Variants in MED12L observed in about 807,000 individuals in gnomAD.
The protein encoded by MED12L is mediator complex subunit 12L, also known as mediator of RNA polymerase II transcription subunit 12-like protein.
Under a neutral mutation model 281.3 loss-of-function variants are expected in MED12L, and 60 were observed. The observed-to-expected ratio is 0.21, with a 90% CI of 0.17 to 0.26. MED12L has a LOEUF of 0.26. MED12L is among the 10% of genes least tolerant of loss of function. The pLI is 1.00. For synonymous variants in MED12L, 974 were observed against 987.2 expected (o/e 0.99, Z 0.25); for missense variants, 2,146 against 2,680.9 (o/e 0.80, Z 4.41).
rs1461536868 is a variant in MED12L, at chr3:151,436,454, T to TTTG, written c.*3654_*3656dup. On this transcript the variant is annotated 3_prime_UTR_variant, in exon 45 of 45. Coordinates refer to ENST00000687756, the MANE Select transcript of MED12L (RefSeq NM_001393769.1). Reference sequence around the variant, plus strand: ...CCGTTTCAATGTTTGTTTATTGTTATTTGTTGGCAAAATAAAAGTGCCTTA... The same window carrying TTTG: ...CCGTTTCAATGTTTGTTTATTGTTATTTGTTGTTGGCAAAATAAAAGTGCCTTA... 5.1e-6 allele frequency: 2 copies of TTTG among 388,668 alleles called. No individual in the cohort carries two copies. Among genetic ancestry groups the TTTG allele is most frequent in the East Asian group, 9.2e-5 (2 of 21,776 alleles). 24.1% of individuals were successfully genotyped at this position (388,668 alleles called of 1,614,324 possible). A position where few individuals can be genotyped will look rare whatever the true frequency, so the allele number is the denominator to read the frequency against.
Position 151,411,510 on chromosome 3 carries a change from G to A in MED12L, c.6140+3G>A, listed in dbSNP as rs1192453304. The A allele has an allele frequency of 6.2e-7, 1 of 1,612,946 alleles. No homozygotes were observed. On this transcript the variant is annotated splice_donor_region_variant and intron_variant, in intron 41 of 44. Coordinates refer to ENST00000687756, the MANE Select transcript of MED12L (RefSeq NM_001393769.1). Reference sequence around the variant, plus strand: ...CAGCCCCTGACTGGCTCTCAGAGGTGATACATGTGGAAATGATGATGGCAA... The same window carrying A: ...CAGCCCCTGACTGGCTCTCAGAGGTAATACATGTGGAAATGATGATGGCAA...
At chr3:151,181,667 C>T (rs753496736) in intron 11 of MED12L, among the ~76,000 whole-genome samples, 3 of 150,664 alleles carry the variant, frequency 2.0e-5, no homozygotes, top group Non-Finnish European at 4.4e-5. Context: ...CTCACTGCAG[C>T]CTCGGCTTCC....
Position 151,436,302 on chromosome 3 carries a change from A to G in MED12L, c.*3498A>G, listed in dbSNP as rs1198081769. The G allele has an allele frequency of 1.9e-5, 3 of 160,322 alleles. No individual in the cohort carries two copies. Among genetic ancestry groups the G allele is most frequent in the Non-Finnish European group, 2.7e-5 (2 of 72,822 alleles). 9.9% of individuals were successfully genotyped at this position (160,322 alleles called of 1,614,324 possible). A position where few individuals can be genotyped will look rare whatever the true frequency, so the allele number is the denominator to read the frequency against. ...AAAGATTGCAGATTTAATATTTTCC[A>G]TTGTCTCTGTTCTGAGTGCCATGCT... On this transcript the variant is annotated 3_prime_UTR_variant, in exon 45 of 45. Transcript: ENST00000687756.
At chr3:151,284,738 G>C (rs2149635382) in intron 16 of MED12L, among the ~76,000 whole-genome samples, 1 of 152,212 alleles carries the variant, frequency 6.6e-6, no homozygotes, top group East Asian at 1.9e-4. Flanking sequence ...CCTCCCAAGT[G>C]GTTGGGATTA....
chr3:151,206,144 T>C (rs1011066271), intron 16 of MED12L, among the ~76,000 whole-genome samples: 2 of 151,066 alleles, frequency 1.3e-5, no homozygotes, highest in Non-Finnish European at 1.5e-5. Context: ...TTTTCTGTGC[T>C]CTGAGATTGG....
intron 2 of MED12L, among the ~76,000 whole-genome samples, chr3:151,109,955 G>A (rs1402792204): frequency 6.6e-6 from 1 of 152,102 alleles, no homozygotes; most frequent in Non-Finnish European, 1.5e-5. Context: ...GATCTTAGTT[G>A]CCTCACCTTT....
At chr3:151,299,356 C>CTTTCTTTTTTCTTTTCTTTTCT (rs1553772494) in intron 16 of MED12L, among the ~76,000 whole-genome samples, 2 of 94,352 alleles carry the variant, frequency 2.1e-5, no homozygotes, top group Admixed American at 2.6e-4. Flanking sequence ...TTCCTTCCTT[C>CTTTCTTTTTTCTTTTCTTTTCT]TTTCTTTTCT....
chr3:151,381,362 TC>T (rs534503329), intron 32 of MED12L, among the ~76,000 whole-genome samples: 1 of 152,170 alleles, frequency 6.6e-6, no homozygotes, highest in Non-Finnish European at 1.5e-5. Context: ...ACATATTACC[TC>T]AGTATACCTA....
chr3:151,296,955 T>C (rs1234455518), intron 16 of MED12L, among the ~76,000 whole-genome samples: 1 of 152,172 alleles, frequency 6.6e-6, no homozygotes, highest in African/African-American at 2.4e-5. Context: ...CAGGAAAGTT[T>C]TGATGATTAA....
intron 20 of MED12L, among the ~76,000 whole-genome samples, chr3:151,359,485 T>C (rs1212544488): frequency 6.6e-6 from 1 of 152,120 alleles, no homozygotes; most frequent in African/African-American, 2.4e-5. Context: ...GTGATTCCAT[T>C]GTCCTCCTTG....
chr3:151,173,230 A>G (rs888412497), intron 11 of MED12L, among the ~76,000 whole-genome samples: 3 of 152,092 alleles, frequency 2.0e-5, no homozygotes, highest in Non-Finnish European at 4.4e-5. Context: ...CTTTTTTGAC[A>G]AGGCAACCAA....
At chr3:151,261,685 GTGTTTTGTTTTGTTTTGTTTTGTTT>G (rs10627724) in intron 16 of MED12L, among the ~76,000 whole-genome samples, 1 of 148,640 alleles carries the variant, frequency 6.7e-6, no homozygotes. Context: ...GTGGTACGTG[GTGTTTTGTTTTGTTTTGTTTTGTTT>G]TGTTTTGTTT....
At chr3:151,392,493 AAAAT>A (rs150113861) in intron 38 of MED12L, among the ~76,000 whole-genome samples, 9,905 of 148,384 alleles carry the variant, frequency 0.067, 436 homozygotes, top group Middle Eastern at 0.16. Flanking sequence ...AAAAAAAGTA[AAAAT>A]AAATAAATAA....
At chr3:151,362,852 ATCTT>A (rs1397592678) in intron 21 of MED12L, among the ~76,000 whole-genome samples, 1 of 152,186 alleles carries the variant, frequency 6.6e-6, no homozygotes, top group African/African-American at 2.4e-5. Flanking sequence ...CTTAGGAAAT[ATCTT>A]TCCACAGAAA....
intron 16 of MED12L, among the ~76,000 whole-genome samples, chr3:151,275,716 A>G (rs1741738887): frequency 6.6e-6 from 1 of 152,184 alleles, no homozygotes. Context: ...AAGAACCAGA[A>G]AATTTAGTAA....
chr3:151,123,825 A>G (rs949441924), intron 4 of MED12L, among the ~76,000 whole-genome samples: 3 of 151,936 alleles, frequency 2.0e-5, no homozygotes, highest in Admixed American at 1.3e-4. Flanking sequence ...TTCCAAAGCA[A>G]CTCTTTGAAA....
intron 16 of MED12L, among the ~76,000 whole-genome samples, chr3:151,246,968 C>G (rs926863688): frequency 2.6e-5 from 4 of 152,146 alleles, no homozygotes; most frequent in African/African-American, 9.7e-5. Context: ...AGGACACGAA[C>G]AGACACTTCT....
chr3:151,120,521 A>G (rs1576769145), intron 3 of MED12L, among the ~76,000 whole-genome samples: 1 of 152,348 alleles, frequency 6.6e-6, no homozygotes, highest in East Asian at 1.9e-4. Context: ...ATATCCACAC[A>G]GTACATTGTT....
chr3:151,299,737 T>G (rs1177323979), intron 16 of MED12L, among the ~76,000 whole-genome samples: 4 of 152,062 alleles, frequency 2.6e-5, no homozygotes, highest in Admixed American at 2.6e-4. Context: ...CTCATGAACC[T>G]TGGTTTAGAC....
Sources: gnomAD v4.1 joint callset for allele counts (sites outside exome capture counted in the v4.1 genomes callset) on GRCh38, gnomAD v4.1.1 for gene constraint, MANE v1.5 for transcripts, NCBI Gene and HGNC (gene_info 2026-07-23, HGNC 2026-07-21) for gene names.